Variants in TMEM17 observed in about 807,000 individuals in gnomAD.
The protein encoded by TMEM17 is transmembrane protein 17.
In TMEM17, 15 loss-of-function variants were observed where a neutral mutation model predicts 19.1. That is an observed-to-expected ratio of 0.78 (90% confidence interval 0.52 to 1.21). The LOEUF (loss-of-function observed/expected upper bound fraction) is 1.21. TMEM17 is among the 50% of genes most tolerant of loss of function. The pLI, the probability that TMEM17 is intolerant of heterozygous loss-of-function variation, is 0.00. For missense variants in TMEM17, 245 were observed against 242.3 expected (o/e 1.01, Z -0.07); for synonymous variants, 103 against 86.9 (o/e 1.19, Z -1.03).
At chr2:62,490,294 C>T in the TMEM17 span, among the ~76,000 whole-genome samples, 1 of 152,070 alleles carries the variant, frequency 6.6e-6, no homozygotes, top group Non-Finnish European at 1.5e-5. Flanking sequence ...TGCAAGGTCT[C>T]GTTTTGTCAC....
downstream of TMEM17, among the ~76,000 whole-genome samples, chr2:62,498,535 T>C (rs1414472862): frequency 2.0e-5 from 3 of 149,434 alleles, no homozygotes; most frequent in Non-Finnish European, 4.5e-5. Context: ...GCTAAAACGG[T>C]GAAACCCCGT....
chr2:62,482,548 T>C, the TMEM17 span, among the ~76,000 whole-genome samples: 2 of 152,162 alleles, frequency 1.3e-5, 1 homozygote, highest in Non-Finnish European at 2.9e-5. Context: ...TGAACATGTA[T>C]CCAGGCTTGG....
At chr2:62,469,021 C>T in the TMEM17 span, among the ~76,000 whole-genome samples, 1 of 152,208 alleles carries the variant, frequency 6.6e-6, no homozygotes, top group Non-Finnish European at 1.5e-5. Flanking sequence ...TACCCTCTGT[C>T]ATTGCATCCC....
At chr2:62,499,837 A>T (rs1573433329), downstream of TMEM17, among the ~76,000 whole-genome samples, 1 of 152,364 alleles carries the variant, frequency 6.6e-6, no homozygotes, top group East Asian at 1.9e-4. Context: ...AGACAGTCCA[A>T]CAGTCACTTA....
chr2:62,460,198 A>G, the TMEM17 span, among the ~76,000 whole-genome samples: 1 of 152,190 alleles, frequency 6.6e-6, no homozygotes, highest in Non-Finnish European at 1.5e-5. Context: ...CTGTGACCTT[A>G]TTTAATCCTC....
chr2:62,480,593 A>T, the TMEM17 span, among the ~76,000 whole-genome samples: 1 of 152,092 alleles, frequency 6.6e-6, no homozygotes, highest in East Asian at 1.9e-4. Context: ...TAAGGGTGAG[A>T]TGTAGGGGTC....
chr2:62,473,064 A>G, the TMEM17 span, among the ~76,000 whole-genome samples: 1 of 152,224 alleles, frequency 6.6e-6, no homozygotes, highest in African/African-American at 2.4e-5. Flanking sequence ...TGCAGGAATC[A>G]CAAAAATCAG....
At chr2:62,487,551 C>A in the TMEM17 span, among the ~76,000 whole-genome samples, 1 of 152,152 alleles carries the variant, frequency 6.6e-6, no homozygotes, top group Non-Finnish European at 1.5e-5. Flanking sequence ...TTTTTAAAAG[C>A]CCTTTTAAAT....
the TMEM17 span, among the ~76,000 whole-genome samples, chr2:62,470,743 G>C: frequency 6.6e-6 from 1 of 152,214 alleles, no homozygotes. Flanking sequence ...CCAAAGAACG[G>C]TCCAGGGGAA....
chr2:62,481,698 GGTGTGTGT>G, the TMEM17 span, among the ~76,000 whole-genome samples: 224 of 144,122 alleles, frequency 1.6e-3, no homozygotes, highest in African/African-American at 4.5e-3. Flanking sequence ...ACCCCTTAAA[GGTGTGTGT>G]GTGTGTGTGT....
At chr2:62,455,515 C>T in the TMEM17 span, among the ~76,000 whole-genome samples, 7,500 of 152,264 alleles carry the variant, frequency 0.049, 600 homozygotes, top group African/African-American at 0.17. Context: ...GCCTGTAATC[C>T]CAGCACTTTG....
rs772600373 is a variant in TMEM17 at position 62,506,167 on chromosome 2, G to A, written c.-38C>T. The A allele has an allele frequency of 2.0e-6, 3 of 1,538,182 alleles. No individual in the cohort carries two copies. Among genetic ancestry groups the A allele is most frequent in the African/African-American group, 2.8e-5 (2 of 71,038 alleles). ...GTATCCCTCACCCCCTCAGACACGG[G>A]CTAGTCTGCGGGCGCTCCGAGGCTC... is the stretch of plus-strand genomic sequence containing the variant. On this transcript the variant is annotated 5_prime_UTR_variant, in exon 1 of 4. Coordinates refer to ENST00000335390, the MANE Select transcript of TMEM17 (RefSeq NM_198276.3).
chr2:62,481,294 C>T, the TMEM17 span, among the ~76,000 whole-genome samples: 2 of 151,878 alleles, frequency 1.3e-5, no homozygotes, highest in Non-Finnish European at 2.9e-5. Flanking sequence ...TATTTTGTGC[C>T]CTGCAACTTT....
At chr2:62,485,468 A>G in the TMEM17 span, among the ~76,000 whole-genome samples, 2 of 152,200 alleles carry the variant, frequency 1.3e-5, no homozygotes, top group South Asian at 2.1e-4. Flanking sequence ...ACTTCAACAA[A>G]AATATTCATG....
Position 62,501,343 on chromosome 2 carries a change from C to G in TMEM17, c.463G>C (p.Val155Leu). The change falls in exon 4 of 4, where the codon GTT (valine) becomes CTT (leucine). Residue 155 changes from valine to leucine, a missense_variant. Physicochemically the swap from Val to Leu is conservative, Grantham distance 32 (BLOSUM62 1). Coordinates refer to ENST00000335390, the MANE Select transcript of TMEM17 (RefSeq NM_198276.3). ...IIFTLFLAFQ[V>L]VAAFLTLRKM... The stretch of plus-strand genomic sequence containing the variant: ...CTTAAGGTAAGAAATGCTGCAACAA[C>G]TTGGAAAGCAAGGAAGAGAGTGAAG... The G allele has an allele frequency of 6.2e-7, 1 of 1,614,148 alleles. No individual in the cohort carries two copies.
the TMEM17 span, among the ~76,000 whole-genome samples, chr2:62,459,423 G>A: frequency 1.3e-5 from 2 of 152,392 alleles, no homozygotes; most frequent in Non-Finnish European, 1.5e-5. Context: ...GGGTCATGGT[G>A]ACTTGCTGCT....
the TMEM17 span, among the ~76,000 whole-genome samples, chr2:62,475,677 C>G: frequency 2.6e-5 from 4 of 152,234 alleles, no homozygotes. Context: ...AGAATGGGCT[C>G]TCTCTGGGCA....
At chr2:62,503,569 T>G (rs183124932) in intron 1 of TMEM17, among the ~76,000 whole-genome samples, 25 of 152,356 alleles carry the variant, frequency 1.6e-4, no homozygotes, top group Admixed American at 1.4e-3. Context: ...TGTAAAATAG[T>G]GAAATTAAAA....
At chr2:62,502,611 A>AG in intron 2 of TMEM17, 61 bp from the exon 3 acceptor site, 1 of 1,368,438 alleles carries the variant, frequency 7.3e-7, no homozygotes, top group Non-Finnish European at 9.7e-7. Context: ...GATTTAAGAT[A>AG]GAAAAAATTA....
Sources: allele counts gnomAD v4.1 joint callset (sites outside exome capture counted in the v4.1 genomes callset), GRCh38; gene constraint gnomAD v4.1.1; transcripts MANE v1.5; gene names NCBI Gene and HGNC (gene_info 2026-07-23, HGNC 2026-07-21).